FSTL5: variants seen among roughly 807,000 people sequenced by gnomAD.
FSTL5 encodes the protein follistatin-related protein 5.
In FSTL5, 62 loss-of-function variants were observed where a neutral mutation model predicts 89.1. The ratio of observed to expected loss-of-function variants is 0.70; its 90% confidence interval spans 0.57 to 0.86. The LOEUF (loss-of-function observed/expected upper bound fraction) is 0.86, where lower values mean the gene tolerates loss of function less well. Among genes scored for constraint, FSTL5 ranks in the 40% least tolerant of loss-of-function variants. FSTL5 has a pLI of 0.00. For synonymous variants in FSTL5, 383 were observed against 346.2 expected (o/e 1.11, Z -1.18); for missense variants, 1,057 against 1,001.6 (o/e 1.06, Z -0.75).
At chr4:161,598,816 A>G (rs907360003) in intron 7 of FSTL5, among the ~76,000 whole-genome samples, 14 of 152,130 alleles carry the variant, frequency 9.2e-5, no homozygotes, top group Non-Finnish European at 1.8e-4. Flanking sequence ...TACCTCACAG[A>G]ATACACAAAA....
rs544877016 is a variant in FSTL5, at chr4:161,935,250, C to A, written c.161-14598G>T. Among the ~76,000 whole-genome samples, 17 of 152,048 alleles carry A rather than the reference C, an allele frequency of 1.1e-4. No individual in the cohort carries two copies. The East Asian group carries it at 1.4e-3, about 12-fold the overall frequency. On this transcript the variant is annotated intron_variant, in intron 3 of 15. Transcript: ENST00000306100. ...GATTCCAAGGCAGTAGGGAGAGAAA[C>A]CTTTGGACACTAGTAATTCCTATCA... is the stretch of plus-strand genomic sequence containing the variant.
intron 5 of FSTL5, among the ~76,000 whole-genome samples, chr4:161,770,538 T>A (rs944157469): frequency 6.6e-6 from 1 of 151,960 alleles, no homozygotes; most frequent in African/African-American, 2.4e-5. Flanking sequence ...TTGATTATAG[T>A]CATGCATATC....
chr4:161,842,193 G>T (rs1731231533), intron 4 of FSTL5, among the ~76,000 whole-genome samples: 1 of 152,154 alleles, frequency 6.6e-6, no homozygotes, highest in Non-Finnish European at 1.5e-5. Flanking sequence ...CAATATAAAT[G>T]CTATAGGCTC....
intron 6 of FSTL5, among the ~76,000 whole-genome samples, chr4:161,696,696 A>C (rs928487239): frequency 1.3e-5 from 2 of 151,986 alleles, no homozygotes; most frequent in African/African-American, 4.8e-5. Flanking sequence ...TAAATACTTT[A>C]TATTTTTTGC....
intron 15 of FSTL5, among the ~76,000 whole-genome samples, chr4:161,431,551 A>T (rs185704860): frequency 6.6e-6 from 1 of 152,182 alleles, no homozygotes; most frequent in Admixed American, 6.5e-5. Context: ...GAGAAAGAAG[A>T]AAGAGAAGAC....
At chr4:161,963,605 T>A (rs1735241839) in intron 3 of FSTL5, among the ~76,000 whole-genome samples, 1 of 151,980 alleles carries the variant, frequency 6.6e-6, no homozygotes, top group Non-Finnish European at 1.5e-5. Context: ...TTCTATGTAC[T>A]CTTCACTTTT....
chr4:161,735,937 A>T (rs898471603), intron 6 of FSTL5, among the ~76,000 whole-genome samples: 1 of 152,148 alleles, frequency 6.6e-6, no homozygotes, highest in Admixed American at 6.5e-5. Context: ...TATAAAAAAA[A>T]GAGAGAAAGA....
intron 3 of FSTL5, among the ~76,000 whole-genome samples, chr4:162,017,356 T>G (rs148071792): frequency 3.8e-4 from 58 of 152,294 alleles, no homozygotes; most frequent in Middle Eastern, 3.4e-3. Context: ...ATATGAGCCC[T>G]AAAATAAAAG....
intron 3 of FSTL5, among the ~76,000 whole-genome samples, chr4:162,007,498 A>C (rs1736646412): frequency 6.6e-6 from 1 of 151,950 alleles, no homozygotes; most frequent in African/African-American, 2.4e-5. Flanking sequence ...TACATACTTG[A>C]ATTTCAGAGA....
intron 11 of FSTL5, among the ~76,000 whole-genome samples, chr4:161,504,718 AC>A (rs757119559): frequency 1.4e-4 from 22 of 151,924 alleles, no homozygotes; most frequent in Admixed American, 9.2e-4. Context: ...TCAATATTGT[AC>A]CCTTAAATAC....
At chr4:162,073,419 T>G (rs1484593732) in intron 2 of FSTL5, among the ~76,000 whole-genome samples, 1 of 151,682 alleles carries the variant, frequency 6.6e-6, no homozygotes, top group Non-Finnish European at 1.5e-5. Flanking sequence ...GTAAAGTTTT[T>G]TAAATAAAGT....
Position 161,507,349 on chromosome 4 carries a change from A to T in FSTL5, c.1339+3049T>A, listed in dbSNP as rs147669263. On this transcript the variant is annotated intron_variant, in intron 11 of 15. Coordinates refer to ENST00000306100, the MANE Select transcript of FSTL5 (RefSeq NM_020116.5). ...GTATCATAAATATACTGAAAATGAA[A>T]ACAAATCATACTGAATATTTTAATG... Among the ~76,000 whole-genome samples, 233 of 151,940 alleles carry T rather than the reference A, an allele frequency of 1.5e-3. 1 individual carries two copies. Among genetic ancestry groups the T allele is most frequent in the Middle Eastern group, 3.4e-3 (1 of 292 alleles).
At chr4:161,675,884 C>T (rs1281491201) in intron 6 of FSTL5, among the ~76,000 whole-genome samples, 1 of 151,826 alleles carries the variant, frequency 6.6e-6, no homozygotes, top group African/African-American at 2.4e-5. Context: ...AAAAGATGTA[C>T]TAGATTTTAA....
chr4:161,469,208 C>T (rs1733847002), intron 13 of FSTL5, among the ~76,000 whole-genome samples: 1 of 151,076 alleles, frequency 6.6e-6, no homozygotes, highest in South Asian at 2.1e-4. Flanking sequence ...TTTCACTTAT[C>T]ATAATGTCCT....
intron 4 of FSTL5, among the ~76,000 whole-genome samples, chr4:161,811,028 C>G (rs1369124): frequency 0.74 from 112,957 of 152,046 alleles, 41,980 homozygotes; most frequent in Admixed American, 0.77. Context: ...CTGAGAGATC[C>G]CTCTGCTCCC....
At chr4:161,678,564 G>C (rs1737403564) in intron 6 of FSTL5, among the ~76,000 whole-genome samples, 2 of 151,704 alleles carry the variant, frequency 1.3e-5, no homozygotes, top group Non-Finnish European at 3.0e-5. Context: ...CATCACTTTT[G>C]ATCAACAGAA....
intron 2 of FSTL5, among the ~76,000 whole-genome samples, chr4:162,080,825 T>C (rs2111332737): frequency 6.6e-6 from 1 of 151,706 alleles, no homozygotes; most frequent in Admixed American, 6.6e-5. Context: ...TAAATACAGG[T>C]GCTTCTAAAG....
At chr4:161,796,461 G>T (rs931339714) in intron 4 of FSTL5, among the ~76,000 whole-genome samples, 10 of 151,726 alleles carry the variant, frequency 6.6e-5, no homozygotes, top group African/African-American at 2.4e-4. Flanking sequence ...TTGCTATCAT[G>T]TAAATTGTGT....
chr4:161,726,912 A>AAAAT (rs1553961528), intron 6 of FSTL5, among the ~76,000 whole-genome samples: 46 of 49,738 alleles, frequency 9.2e-4, no homozygotes, highest in African/African-American at 1.4e-3. Context: ...AAAAAAAAAA[A>AAAAT]ATATATATAT....
Sources: allele counts gnomAD v4.1 joint callset (sites outside exome capture counted in the v4.1 genomes callset), GRCh38; gene constraint gnomAD v4.1.1; transcripts MANE v1.5; gene names NCBI Gene and HGNC (gene_info 2026-07-23, HGNC 2026-07-21).